The following ADGRG4 variants were observed in gnomAD, a reference collection of about 807,000 sequenced individuals.
ADGRG4 encodes the protein adhesion G protein-coupled receptor G4.
In ADGRG4, 122 loss-of-function variants were observed where a neutral mutation model predicts 126.2. That is an observed-to-expected ratio of 0.97 (90% CI 0.83 to 1.12). The LOEUF is 1.12. Among genes scored for constraint, ADGRG4 ranks in the 50% most tolerant of loss-of-function variants. ADGRG4 has a pLI of 0.00. For missense variants in ADGRG4, 2,481 were observed against 2,251.8 expected (o/e 1.10, Z -2.06); for synonymous variants, 943 against 838.7 (o/e 1.12, Z -2.15).
Position 136,349,329 on chromosome X carries a change from A to G in ADGRG4, c.5623A>G (p.Thr1875Ala). ...GGGAACAAGAATGACATCTAGTAAT[A>G]CCCAACCTCTGCTTATGACTTCCTG... is the stretch of plus-strand genomic sequence containing the variant. Reference protein sequence around the residue: ...VLGTRMTSSNTQPLLMTSWNI... With the variant: ...VLGTRMTSSNAQPLLMTSWNI... The change falls in exon 6 of 26, where the codon ACC (threonine) becomes GCC (alanine). Residue 1875 changes from threonine (T) to alanine (A), a missense_variant. Physicochemically the swap from Thr to Ala is moderately conservative, Grantham distance 58. Transcript: ENST00000394143. 2.5e-6 allele frequency: 3 copies of G among 1,209,626 alleles called. No homozygotes were observed. Among genetic ancestry groups the G allele is most frequent in the Non-Finnish European group, 2.2e-6 (2 of 894,048 alleles).
Position 136,392,276 on chromosome X carries a change from C to A in ADGRG4, c.7956C>A (p.Ala2652=), listed in dbSNP as rs2148492769. ...CATTAACCACCTATGTTGTGAGTGC[C>A]AGCATTTCAGATGATATGTTCATTC... The part of the protein sequence containing the change: ...TKALTTYVVS[A]SISDDMFIQN... Residue 2652 remains alanine, a synonymous_variant, in exon 17 of 26, where the codon GCC becomes GCA. Coordinates refer to ENST00000394143, the MANE Select transcript of ADGRG4 (RefSeq NM_153834.4). The A allele has an allele frequency of 8.9e-7, 1 of 1,129,734 alleles. No individual in the cohort carries two copies. The highest frequency in any genetic ancestry group is 1.2e-6 in the Non-Finnish European group (1 of 856,128). The allele number at this position is 1,129,734 out of a possible 1,213,427, so 93.1% of individuals were successfully genotyped here. A position where few individuals can be genotyped will look rare whatever the true frequency, so the allele number is the denominator to read the frequency against.
At chrX:136,328,501 C>T (rs1412952888) in intron 5 of ADGRG4, among the ~76,000 whole-genome samples, 1 of 111,883 alleles carries the variant, frequency 8.9e-6, no homozygotes, top group Admixed American at 9.5e-5. Context: ...CCTTTTAGAT[C>T]TGCATTTAAG....
chrX:136,361,493 T>C lies in ADGRG4; in HGVS notation c.7183T>C (p.Tyr2395His), dbSNP rs1467603609. ...NCKADETASK[Y>H]KGTYKWLLTN... ...CAAAGCTGATGAAACAGCCTCTAAA[T>C]ACAAAGGGACCTATAAGTGGCTATT... The change falls in exon 12 of 26, where the codon TAC becomes CAC. Residue 2395 changes from tyrosine (Y) to histidine (H), a missense_variant. Transcript: ENST00000394143. 8.5e-7 allele frequency: 1 copy of C among 1,182,012 alleles called. No homozygotes were observed. Among genetic ancestry groups the C allele is most frequent in the African/African-American group, 1.8e-5 (1 of 56,287 alleles).
chrX:136,324,313 A>G (rs1034033425), intron 5 of ADGRG4, among the ~76,000 whole-genome samples: 1 of 112,110 alleles, frequency 8.9e-6, no homozygotes, highest in African/African-American at 3.2e-5. Flanking sequence ...ACTAATCACT[A>G]TGATGTTTGC....
chrX:136,310,937 C>T (rs1390121908), intron 4 of ADGRG4, among the ~76,000 whole-genome samples: 1 of 111,405 alleles, frequency 9.0e-6, no homozygotes, highest in East Asian at 2.8e-4. Context: ...TAACAAAATA[C>T]TATAGATTGG....
At chrX:136,385,537 A>G (rs1164705943) in intron 15 of ADGRG4, among the ~76,000 whole-genome samples, 1 of 112,048 alleles carries the variant, frequency 8.9e-6, no homozygotes, top group Non-Finnish European at 1.9e-5. Context: ...ATACCTCAGC[A>G]TAGTTATACT....
Position 136,363,818 on chromosome X carries a change from T to C in ADGRG4, c.7396+223T>C, listed in dbSNP as rs761692002. On this transcript the variant is annotated intron_variant, in intron 13 of 25. Coordinates refer to ENST00000394143, the MANE Select transcript of ADGRG4 (RefSeq NM_153834.4). ...GATTTTTGTTTGTTTTTGCTACATA[T>C]ATATATTTGAGATGGAGTTTCGCTC... Among the ~76,000 whole-genome samples, 3 of 111,339 alleles carry C rather than the reference T, an allele frequency of 2.7e-5. No individual in the cohort carries two copies. The East Asian group carries it at 8.5e-4, about 31-fold the overall frequency.
chrX:136,389,353 T>C (rs1186225667), intron 16 of ADGRG4, among the ~76,000 whole-genome samples: 1 of 112,722 alleles, frequency 8.9e-6, no homozygotes, highest in Non-Finnish European at 1.9e-5. Flanking sequence ...ATTTTGGTCT[T>C]AATTTCTCTC....
chrX:136,346,941 C>T lies in ADGRG4; in HGVS notation c.3235C>T (p.Pro1079Ser), dbSNP rs746420720. 6 of 1,208,915 alleles carry T rather than the reference C, an allele frequency of 5.0e-6. No individual in the cohort carries two copies. In the African/African-American group the frequency reaches 8.8e-5, roughly 18 times the overall value. The change falls in exon 6 of 26, where the codon CCT (proline) becomes TCT (serine). Residue 1079 changes from proline (P) to serine (S), a missense_variant. Coordinates refer to ENST00000394143, the MANE Select transcript of ADGRG4 (RefSeq NM_153834.4). ...TGCTTCCACAACCATTGTTATTGTG[C>T]CTACCCATGGAGACTTGATTCGTAC... is the stretch of plus-strand genomic sequence containing the variant. ...QTASTTIVIV[P>S]THGDLIRTTS...
chrX:136,331,649 A>G (rs2074910599), intron 5 of ADGRG4, among the ~76,000 whole-genome samples: 1 of 110,856 alleles, frequency 9.0e-6, no homozygotes, highest in African/African-American at 3.3e-5. Context: ...TGTGCTTTCA[A>G]TTTGCATTAC....
chrX:136,319,247 G>C (rs781522294), intron 4 of ADGRG4, among the ~76,000 whole-genome samples: 29 of 112,423 alleles, frequency 2.6e-4, no homozygotes, highest in Non-Finnish European at 4.1e-4. Flanking sequence ...GCTCAGCTCA[G>C]TTGGGCTTCC....
At chrX:136,380,601 CTCCTCTTCTTCTTCTTCT>C (rs1191621533) in intron 15 of ADGRG4, among the ~76,000 whole-genome samples, 3 of 60,168 alleles carry the variant, frequency 5.0e-5, no homozygotes, top group East Asian at 3.9e-4. Flanking sequence ...CCTCCTCCTC[CTCCTCTTCTTCTTCTTCT>C]TCTTCTTCTT....
intron 13 of ADGRG4, among the ~76,000 whole-genome samples, chrX:136,370,876 C>T (rs987833561): frequency 1.3e-4 from 15 of 111,372 alleles, no homozygotes; most frequent in African/African-American, 3.9e-4. Flanking sequence ...TTTATTATGA[C>T]GTAGTCCATA....
At chrX:136,380,604 C>CTCCTCT (rs2075255832) in intron 15 of ADGRG4, among the ~76,000 whole-genome samples, 18 of 55,344 alleles carry the variant, frequency 3.3e-4, no homozygotes, top group South Asian at 1.2e-3. Context: ...CCTCCTCCTC[C>CTCCTCT]TCTTCTTCTT....
chrX:136,359,709 A>G (rs146227805), intron 11 of ADGRG4, among the ~76,000 whole-genome samples: 1 of 111,466 alleles, frequency 9.0e-6, no homozygotes, highest in East Asian at 2.8e-4. Context: ...CAATCCGTCA[A>G]TGGAATGGGA....
At chrX:136,371,876 A>T (rs938500721) in intron 14 of ADGRG4, among the ~76,000 whole-genome samples, 2 of 111,603 alleles carry the variant, frequency 1.8e-5, no homozygotes, top group Admixed American at 1.9e-4. Flanking sequence ...GGATTTTTGT[A>T]TTCATGGGAG....
chrX:136,410,393 C>A (rs1415352292), intron 23 of ADGRG4, among the ~76,000 whole-genome samples: 1 of 111,653 alleles, frequency 9.0e-6, no homozygotes, highest in Non-Finnish European at 1.9e-5. Flanking sequence ...CAAACAAGGA[C>A]AGAATATGGC....
At chrX:136,358,748 T>C (rs1280952410) in intron 10 of ADGRG4, among the ~76,000 whole-genome samples, 1 of 111,904 alleles carries the variant, frequency 8.9e-6, no homozygotes, top group African/African-American at 3.3e-5. Context: ...ATACGGTCGT[T>C]GTGAGAATAA....
intron 12 of ADGRG4, among the ~76,000 whole-genome samples, 188 bp downstream of exon 12, chrX:136,361,775 C>T (rs992566933): frequency 3.6e-5 from 4 of 111,719 alleles, no homozygotes; most frequent in African/African-American, 1.3e-4. Context: ...TTCAAGGAGA[C>T]AAAAGATAAA....
Sources: gnomAD v4.1 joint callset for allele counts (sites outside exome capture counted in the v4.1 genomes callset) on GRCh38, gnomAD v4.1.1 for gene constraint, MANE v1.5 for transcripts, NCBI Gene and HGNC (gene_info 2026-07-23, HGNC 2026-07-21) for gene names.